The following COPG2 variants were observed in gnomAD, a reference collection of about 807,000 sequenced individuals.
COPG2 encodes coat protein complex I subunit gamma 2, also known as coatomer subunit gamma-2.
COPG2 carries 37 observed loss-of-function variants against 46.3 expected under a neutral mutation model. The observed-to-expected ratio is 0.80, with a 90% CI of 0.61 to 1.05. COPG2 has a LOEUF of 1.05. Ranked by LOEUF, COPG2 falls within the 50% of genes least tolerant of loss-of-function variation. The pLI is 0.00. For synonymous variants in COPG2, 159 were observed against 129.7 expected, an observed-to-expected ratio of 1.23 and a Z score of -1.53; for missense variants, 427 against 387.8, an observed-to-expected ratio of 1.10 and a Z score of -0.85.
intron 12 of COPG2, among the ~76,000 whole-genome samples, chr7:130,556,683 A>G (rs1793631658): frequency 6.6e-6 from 1 of 152,208 alleles, no homozygotes; most frequent in Non-Finnish European, 1.5e-5. Context: ...TTAAAGAAAT[A>G]ATGCACCATG....
At chr7:130,648,685 CTGAAAT>C (rs1795668087) in intron 5 of COPG2, among the ~76,000 whole-genome samples, 1 of 152,232 alleles carries the variant, frequency 6.6e-6, no homozygotes, top group Admixed American at 6.5e-5. Context: ...CCAAGCAATT[CTGAAAT>C]CCAGTTAGGC....
At chr7:130,610,451 T>C (rs7796830) in intron 9 of COPG2, 4,735 of 457,400 alleles carry the variant, frequency 0.01, 129 homozygotes, top group African/African-American at 0.065. Context: ...GGAAGGGGTC[T>C]TCTTTGCTCC....
At chr7:130,558,902 A>T (rs1414097914) in intron 12 of COPG2, among the ~76,000 whole-genome samples, 1 of 152,200 alleles carries the variant, frequency 6.6e-6, no homozygotes, top group Non-Finnish European at 1.5e-5. Context: ...CATATATAAT[A>T]AAAAAATTCA....
In COPG2 at chr7:130,584,577, A is replaced by T. The variant is rs543361943; in HGVS notation, c.738-20184T>A. On this transcript the variant is annotated intron_variant, in intron 9 of 23. Coordinates refer to ENST00000425248, the MANE Select transcript of COPG2 (RefSeq NM_012133.6). The stretch of plus-strand genomic sequence containing the variant: ...TGAAAACCCTAAAGACTCCTCCAGA[A>T]ATCTCTTAGAACTGATACAAGAATT... Among the ~76,000 whole-genome samples the T allele has an allele frequency of 3.3e-5, 5 of 152,154 alleles. No individual in the cohort carries two copies. In the East Asian group the frequency reaches 7.7e-4, roughly 23 times the overall value.
intron 9 of COPG2, among the ~76,000 whole-genome samples, chr7:130,579,491 C>T (rs1421135565): frequency 6.6e-6 from 1 of 150,538 alleles, no homozygotes; most frequent in Admixed American, 6.6e-5. Context: ...CAAATTCACA[C>T]ATAACAATAT....
intron 9 of COPG2, among the ~76,000 whole-genome samples, chr7:130,599,703 C>T (rs1554450128): frequency 1.3e-5 from 2 of 151,632 alleles, no homozygotes; most frequent in African/African-American, 4.8e-5. Context: ...CAAAACAAGG[C>T]AAAACTAAAC....
chr7:130,632,101 GC>G (rs1405085242), intron 5 of COPG2, among the ~76,000 whole-genome samples: 1 of 152,122 alleles, frequency 6.6e-6, no homozygotes, highest in Non-Finnish European at 1.5e-5. Flanking sequence ...TCTCCCTTCA[GC>G]CTGAAAAAAC....
intron 20 of COPG2, among the ~76,000 whole-genome samples, chr7:130,537,932 G>GA (rs1451615005): frequency 1.3e-5 from 2 of 152,170 alleles, no homozygotes; most frequent in African/African-American, 2.4e-5. Context: ...AGGGCATGGC[G>GA]AGACGATGAA....
chr7:130,534,448 T>C (rs912628631), intron 20 of COPG2, among the ~76,000 whole-genome samples: 7 of 151,886 alleles, frequency 4.6e-5, no homozygotes, highest in African/African-American at 9.7e-5. Context: ...GGGAGAAAGA[T>C]ATGGAGGTGC....
At chr7:130,510,654 A>T (rs1291434285) in intron 20 of COPG2, among the ~76,000 whole-genome samples, 1 of 152,188 alleles carries the variant, frequency 6.6e-6, no homozygotes, top group African/African-American at 2.4e-5. Context: ...TAAGGACCTG[A>T]TACAGAGAAA....
At chr7:130,563,975 CAG>C (rs1332424542) in intron 10 of COPG2, among the ~76,000 whole-genome samples, 2 of 150,698 alleles carry the variant, frequency 1.3e-5, no homozygotes, top group East Asian at 1.9e-4. Context: ...TACGAGGAAA[CAG>C]AAACTTTAAA....
intron 4 of COPG2, among the ~76,000 whole-genome samples, chr7:130,659,346 C>G (rs1795923817): frequency 1.2e-4 from 1 of 8,276 alleles, no homozygotes; most frequent in Non-Finnish European, 5.1e-4. Context: ...CAGAGCAAGA[C>G]TCCGTCTCAA....
rs923077433 is a variant in COPG2, at chr7:130,548,889, G to T, written c.1838-347C>A. 2.6e-3 allele frequency among the ~76,000 whole-genome samples: 392 copies of T among 151,984 alleles called. 1 individual carries two copies. Among genetic ancestry groups the T allele is most frequent in the Non-Finnish European group, 3.3e-3 (224 of 67,962 alleles). On this transcript the variant is annotated intron_variant, in intron 18 of 23. Transcript: ENST00000425248. ...GCCGGTATTGTGCCACTGCACTCCA[G>T]CCTGGGTGACAGAGCGAGACTCTGT...
intron 9 of COPG2, chr7:130,605,065 T>A (rs1428531919): frequency 9.2e-6 from 4 of 435,360 alleles, no homozygotes; most frequent in African/African-American, 2.0e-5. Flanking sequence ...TTCTATCACC[T>A]TTGCTTCCAG....
chr7:130,540,042 T>G (rs1799921408), intron 20 of COPG2, among the ~76,000 whole-genome samples: 4 of 142,614 alleles, frequency 2.8e-5, no homozygotes, highest in South Asian at 2.2e-4. Flanking sequence ...GTGGGTTGGG[T>G]GAAGGGGATG....
intron 9 of COPG2, among the ~76,000 whole-genome samples, chr7:130,602,263 T>C (rs782002090): frequency 1.3e-5 from 2 of 152,212 alleles, no homozygotes; most frequent in African/African-American, 2.4e-5. Flanking sequence ...AATTTTTTCC[T>C]TATCAATTTT....
intron 5 of COPG2, among the ~76,000 whole-genome samples, chr7:130,643,308 C>A (rs1298804291): frequency 6.0e-5 from 9 of 149,522 alleles, no homozygotes; most frequent in African/African-American, 1.7e-4. Flanking sequence ...AAAAAAAAAA[C>A]CCACAAAAAC....
chr7:130,564,462 A>C (rs1793770607), intron 9 of COPG2, 69 bp from the exon 10 acceptor site: 1 of 398,272 alleles, frequency 2.5e-6, no homozygotes, highest in Non-Finnish European at 4.4e-6. Flanking sequence ...AGGGATTAAA[A>C]GCACAGGCAG....
At chr7:130,523,775 G>T (rs913696158) in intron 20 of COPG2, among the ~76,000 whole-genome samples, 1 of 82,956 alleles carries the variant, frequency 1.2e-5, no homozygotes, top group South Asian at 3.7e-4. Flanking sequence ...CTGTTGTCAC[G>T]GGGAGGAAAG....
Sources: allele counts gnomAD v4.1 joint callset (sites outside exome capture counted in the v4.1 genomes callset), GRCh38; gene constraint gnomAD v4.1.1; transcripts MANE v1.5; gene names NCBI Gene and HGNC (gene_info 2026-07-23, HGNC 2026-07-21).